POLB: variants seen among roughly 807,000 people sequenced by gnomAD.
POLB encodes DNA polymerase beta.
In POLB, 37 loss-of-function variants were observed where a neutral mutation model predicts 52.7. The ratio of observed to expected loss-of-function variants is 0.70; its 90% CI spans 0.54 to 0.92. The LOEUF (loss-of-function observed/expected upper bound fraction) is 0.92, where lower values mean the gene tolerates loss of function less well. POLB is among the 40% of genes least tolerant of loss of function. The pLI is 0.00. For missense variants in POLB, 313 were observed against 400.8 expected (o/e 0.78, Z 1.87); for synonymous variants, 138 against 131.3 (o/e 1.05, Z -0.35).
chr8:42,369,693 A>AT, intron 12 of POLB, 156 bp from the exon 13 acceptor site: 1 of 548,170 alleles, frequency 1.8e-6, no homozygotes, highest in Admixed American at 3.4e-5. Flanking sequence ...GGTTGGGGTG[A>AT]TTTGAGCAGT....
At chr8:42,362,485 C>A in intron 10 of POLB, 127 bp from the exon 11 acceptor site, 1 of 619,864 alleles carries the variant, frequency 1.6e-6, no homozygotes, top group Non-Finnish European at 2.9e-6. Context: ...ATGATTGTAC[C>A]TGTGAATAGC....
intron 9 of POLB, chr8:42,357,760 C>T (rs548995587): frequency 8.2e-4 from 134 of 163,170 alleles, no homozygotes; most frequent in African/African-American, 3.3e-3. Context: ...CAGAGTCTCA[C>T]TCTCTCGCCA....
In POLB at chr8:42,357,207, A is replaced by C. The variant is rs780232014; in HGVS notation, c.461A>C (p.Glu154Ala). Residue 154 changes from glutamate to alanine, a missense_variant, in exon 8 of 14, where the codon GAG becomes GCG. Glu to Ala is a moderately radical substitution (Grantham distance 107, BLOSUM62 -1). Transcript: ENST00000265421. Reference protein sequence around the residue: ...GDFEKRIPREEMLQMQDIVLN... With the variant: ...GDFEKRIPREAMLQMQDIVLN... ...TTTGAAAAAAGAATTCCTCGTGAAG[A>C]GATGTTACAAATGCAAGTAAGATGT... 3.8e-6 allele frequency: 6 copies of C among 1,560,338 alleles called. No homozygotes were observed.
intron 2 of POLB, chr8:42,341,877 C>T (rs1585864369): frequency 3.3e-6 from 2 of 605,086 alleles, no homozygotes; most frequent in East Asian, 3.6e-5. Context: ...CTCTTTTTAA[C>T]TTCTTTCTTG....
chr8:42,351,129 C>T (rs1386181513), intron 5 of POLB, among the ~76,000 whole-genome samples: 1 of 152,138 alleles, frequency 6.6e-6, no homozygotes, highest in Non-Finnish European at 1.5e-5. Flanking sequence ...CCCACTTAAG[C>T]CTCCCAGAGT....
rs59187950 is a variant in POLB at position 42,345,607 on chromosome 8, A to AT, written c.186+598dup. Among the ~76,000 whole-genome samples the AT allele has an allele frequency of 4.0e-3, 594 of 150,026 alleles. 6 individuals are homozygous for AT. Among genetic ancestry groups the AT allele is most frequent in the Middle Eastern group, 0.024 (7 of 292 alleles). On this transcript the variant is annotated intron_variant, in intron 3 of 13. Coordinates refer to ENST00000265421, the MANE Select transcript of POLB (RefSeq NM_002690.3). The stretch of plus-strand genomic sequence containing the variant: ...GGGAACAGATTATTTTGGATTTTGG[A>AT]TTTTTTTTTTGAATATTTGTATTTG...
chr8:42,338,684 A>C lies in POLB; in HGVS notation c.60A>C (p.Thr20=). The C allele has an allele frequency of 1.2e-6, 2 of 1,613,862 alleles. 1 individual carries two copies. The highest frequency in any genetic ancestry group is 3.3e-4 in the Middle Eastern group (2 of 6,062). Residue 20 remains threonine, a splice_region_variant and synonymous_variant, in exon 1 of 14, where the codon ACA becomes ACC. Transcript: ENST00000265421. The stretch of plus-strand genomic sequence containing the variant: ...ACGGGGGAATCACCGACATGCTCAC[A>C]GGTTAGCACCGGGCCGGGCCCCGCT... ...TLNGGITDML[T]ELANFEKNVS... is the part of the protein sequence containing the mutation.
chr8:42,353,707 C>T (rs1823127268), intron 6 of POLB, among the ~76,000 whole-genome samples: 1 of 152,038 alleles, frequency 6.6e-6, no homozygotes, highest in Non-Finnish European at 1.5e-5. Context: ...GCAAGCAGCC[C>T]AGTGGTTAGG....
Position 42,357,030 on chromosome 8 carries a change from C to T in POLB, c.423-139C>T. On this transcript the variant is annotated intron_variant, in intron 7 of 13. Coordinates refer to ENST00000265421, the MANE Select transcript of POLB (RefSeq NM_002690.3). ...CCACCCCCAATTTTGCTGTTGTCAT[C>T]TCAGTGAATTCATTCTAGCCTTGAT... 5.1e-6 allele frequency: 3 copies of T among 593,548 alleles called. No individual in the cohort carries two copies. The South Asian group carries it at 6.6e-5, about 13-fold the overall frequency. 36.8% of individuals were successfully genotyped at this position (593,548 alleles called of 1,614,324 possible).
At chr8:42,360,123 T>TA (rs1823583821) in intron 9 of POLB, among the ~76,000 whole-genome samples, 1 of 9,908 alleles carries the variant, frequency 1.0e-4, no homozygotes, top group Non-Finnish European at 2.4e-4. Context: ...AATTTTTGTA[T>TA]TTTTTTTTTT....
intron 11 of POLB, among the ~76,000 whole-genome samples, chr8:42,364,401 G>GT (rs1213125968): frequency 6.6e-6 from 1 of 152,034 alleles, no homozygotes; most frequent in Non-Finnish European, 1.5e-5. Context: ...GCTAATTTTT[G>GT]TATTTTTTGT....
chr8:42,364,379 C>T (rs925946311), intron 11 of POLB, among the ~76,000 whole-genome samples: 18 of 152,128 alleles, frequency 1.2e-4, no homozygotes. Context: ...CAGGTGCGCA[C>T]CACCATACCT....
At chr8:42,342,686 G>T in intron 2 of POLB, 1 of 519,572 alleles carries the variant, frequency 1.9e-6, no homozygotes, top group Non-Finnish European at 3.4e-6. Flanking sequence ...TGGAAAGGCG[G>T]GAGCAATTTT....
chr8:42,339,451 T>G (rs1822055791), intron 2 of POLB: 1 of 216,534 alleles, frequency 4.6e-6, no homozygotes, highest in Non-Finnish European at 9.5e-6. Context: ...TGTGGGATCC[T>G]GATCCTGATC....
chr8:42,365,916 A>T (rs1280088509), intron 11 of POLB, among the ~76,000 whole-genome samples: 2 of 152,058 alleles, frequency 1.3e-5, no homozygotes, highest in African/African-American at 4.8e-5. Flanking sequence ...CCTGGCCAAC[A>T]TGGTGAAACC....
chr8:42,367,083 A>G (rs1824086360), intron 11 of POLB, among the ~76,000 whole-genome samples: 1 of 152,138 alleles, frequency 6.6e-6, no homozygotes, highest in Non-Finnish European at 1.5e-5. Flanking sequence ...GAGGAGAGTG[A>G]GCACCCCCAG....
intron 7 of POLB, 31 bp from the exon 8 acceptor site, chr8:42,357,138 A>G (rs370006134): frequency 6.7e-5 from 84 of 1,257,062 alleles, no homozygotes; most frequent in Non-Finnish European, 3.4e-5. Context: ...ATTTTACGAA[A>G]ATCTTTTGTC....
intron 11 of POLB, among the ~76,000 whole-genome samples, chr8:42,364,421 G>T (rs985049700): frequency 2.6e-5 from 4 of 152,054 alleles, no homozygotes; most frequent in Non-Finnish European, 5.9e-5. Flanking sequence ...TAGAGGTGGG[G>T]TTTCACCATG....
Position 42,357,193 on chromosome 8 carries a change from A to G in POLB, c.447A>G (p.Arg149=). 1 of 1,560,068 alleles carries G rather than the reference A, an allele frequency of 6.4e-7. No homozygotes were observed. Among genetic ancestry groups the G allele is most frequent in the Non-Finnish European group, 8.8e-7 (1 of 1,132,004 alleles). Residue 149 remains arginine (R), a synonymous_variant, in exon 8 of 14, where the codon AGA becomes AGG. Transcript: ENST00000265421. ...GLKYFGDFEK[R]IPREEMLQMQ... Reference sequence around the variant, plus strand: ...GATATTTTGGGGACTTTGAAAAAAGAATTCCTCGTGAAGAGATGTTACAAA... The same window carrying G: ...GATATTTTGGGGACTTTGAAAAAAGGATTCCTCGTGAAGAGATGTTACAAA...
Sources: allele counts gnomAD v4.1 joint callset (sites outside exome capture counted in the v4.1 genomes callset), GRCh38; gene constraint gnomAD v4.1.1; transcripts MANE v1.5; gene names NCBI Gene and HGNC (gene_info 2026-07-23, HGNC 2026-07-21).